MTRR: variants seen among roughly 807,000 people sequenced by gnomAD.
The protein encoded by MTRR is methionine synthase reductase.
Under a neutral mutation model 79.2 loss-of-function variants are expected in MTRR, and 63 were observed. The observed-to-expected ratio is 0.80, with a 90% confidence interval of 0.65 to 0.98. MTRR has a LOEUF of 0.98. Ranked by LOEUF, MTRR falls within the 50% of genes least tolerant of loss-of-function variation. The pLI is 0.00. For synonymous variants in MTRR, 355 were observed against 313.3 expected (o/e 1.13, Z -1.41); for missense variants, 895 against 839.6 (o/e 1.07, Z -0.82).
At chr5:7,859,164 A>G (rs968113627) in intron 1 of MTRR, 9 of 212,782 alleles carry the variant, frequency 4.2e-5, no homozygotes, top group Non-Finnish European at 8.3e-5. Context: ...CAAAATACTT[A>G]AAAATAACAT....
At chr5:7,898,520 G>A (rs1299696335) in intron 14 of MTRR, among the ~76,000 whole-genome samples, 1 of 152,202 alleles carries the variant, frequency 6.6e-6, no homozygotes. Flanking sequence ...CTTGAACATT[G>A]ATCGTCCGTC....
upstream of MTRR, chr5:7,868,192 A>C: frequency 2.8e-6 from 1 of 359,456 alleles, no homozygotes; most frequent in Non-Finnish European, 4.6e-6. Context: ...ACTACAAACG[A>C]GTATCTGGAA....
At chr5:7,852,367 C>T (rs970787539) in intron 1 of MTRR, among the ~76,000 whole-genome samples, 4 of 152,140 alleles carry the variant, frequency 2.6e-5, no homozygotes, top group African/African-American at 7.2e-5. Context: ...GGTGCCACCA[C>T]GCTTTTTCTC....
chr5:7,852,929 G>A (rs74647306), intron 1 of MTRR, among the ~76,000 whole-genome samples: 1,948 of 152,260 alleles, frequency 0.013, 37 homozygotes, highest in East Asian at 0.061. Context: ...AACTGAGACC[G>A]AGATAATTTC....
upstream of MTRR, chr5:7,865,985 T>C: frequency 1.2e-6 from 2 of 1,612,810 alleles, no homozygotes; most frequent in Non-Finnish European, 1.7e-6. Flanking sequence ...ATTCTTTACC[T>C]GAAACAGAAA....
chr5:7,890,114 C>T (rs1161823012), intron 9 of MTRR: 1 of 258,770 alleles, frequency 3.9e-6, no homozygotes, highest in Non-Finnish European at 6.0e-6. Flanking sequence ...GTAGTTATGC[C>T]TTTAACATTT....
chr5:7,899,968 C>CGCT lies in MTRR; in HGVS notation c.2007_2008insGCT (p.Ser669_Lys670insAla). On this transcript the variant is annotated inframe_insertion, in exon 15 of 15. Transcript: ENST00000440940. ...ATGATGCCCTTGTGCAAATAATAAG[C>CGCT]AAAGAGGTTGGAGTTGAAAAACTAG... The CGCT allele has an allele frequency of 6.2e-7, 1 of 1,614,036 alleles. No homozygotes were observed. The highest frequency in any genetic ancestry group is 1.1e-5 in the South Asian group (1 of 91,076).
chr5:7,894,651 G>A (rs1738198539), intron 11 of MTRR, among the ~76,000 whole-genome samples: 2 of 152,154 alleles, frequency 1.3e-5, no homozygotes. Context: ...CTTTGACATT[G>A]GTGTTTGAAT....
chr5:7,876,136 T>G (rs1734516762), intron 4 of MTRR, among the ~76,000 whole-genome samples: 1 of 152,054 alleles, frequency 6.6e-6, no homozygotes, highest in South Asian at 2.1e-4. Context: ...AATTACAAAT[T>G]CAGCAAATGT....
intron 8 of MTRR, among the ~76,000 whole-genome samples, chr5:7,887,822 A>ATATATC (rs1736860669): frequency 3.8e-5 from 1 of 26,644 alleles, no homozygotes; most frequent in African/African-American, 2.6e-4. Flanking sequence ...ATATATATAT[A>ATATATC]TATATATATG....
chr5:7,854,633 T>G (rs1746184322), intron 1 of MTRR, among the ~76,000 whole-genome samples: 1 of 152,168 alleles, frequency 6.6e-6, no homozygotes, highest in Non-Finnish European at 1.5e-5. Context: ...ATGAGACTTA[T>G]TCCCTACCAC....
At chr5:7,887,105 G>A (rs1443038214) in intron 8 of MTRR, among the ~76,000 whole-genome samples, 4 of 152,216 alleles carry the variant, frequency 2.6e-5, no homozygotes, top group East Asian at 1.9e-4. Context: ...TAATGAGAGC[G>A]TAGGATTCCC....
intron 8 of MTRR, among the ~76,000 whole-genome samples, chr5:7,888,617 T>G (rs894575467): frequency 6.6e-6 from 1 of 152,200 alleles, no homozygotes; most frequent in Non-Finnish European, 1.5e-5. Flanking sequence ...GGAACAGTGA[T>G]TTTGTCCTCC....
At chr5:7,877,005 G>C (rs1310733586) in intron 4 of MTRR, among the ~76,000 whole-genome samples, 1 of 152,172 alleles carries the variant, frequency 6.6e-6, no homozygotes, top group Non-Finnish European at 1.5e-5. Context: ...CAGCTCTAAT[G>C]TGTAACCACA....
chr5:7,885,518 A>G lies in MTRR; in HGVS notation c.904-183A>G, dbSNP rs147712717. Among the ~76,000 whole-genome samples, 6 of 151,918 alleles carry G rather than the reference A, an allele frequency of 3.9e-5. No homozygotes were observed. The East Asian group carries it at 1.2e-3, about 29-fold the overall frequency. On this transcript the variant is annotated intron_variant, in intron 6 of 14. Transcript: ENST00000440940. The stretch of plus-strand genomic sequence containing the variant: ...AATAGTAACTGCTAATAATGAAAGT[A>G]TGTTTATTTGGTTAGTTGGGCTTAT...
upstream of MTRR, among the ~76,000 whole-genome samples, chr5:7,866,444 C>T (rs1746955253): frequency 6.6e-6 from 1 of 152,154 alleles, no homozygotes; most frequent in African/African-American, 2.4e-5. Context: ...GTCAGTTTAT[C>T]TGAGACAGCT....
chr5:7,871,767 C>G (rs921380695), intron 2 of MTRR, among the ~76,000 whole-genome samples: 1 of 152,182 alleles, frequency 6.6e-6, no homozygotes, highest in Non-Finnish European at 1.5e-5. Flanking sequence ...AGCCCTGCCA[C>G]GGTAACTCTG....
chr5:7,867,374 T>C, upstream of MTRR: 2 of 1,614,210 alleles, frequency 1.2e-6, no homozygotes, highest in Non-Finnish European at 1.7e-6. Flanking sequence ...TATAATGAGT[T>C]CTAGTGTCAC....
rs772966550 is a variant in MTRR at position 7,897,210 on chromosome 5, ATCC to A, written c.1922_1924del (p.Leu641del). 3.1e-6 allele frequency: 5 copies of A among 1,614,024 alleles called. No homozygotes were observed. The South Asian group carries it at 3.3e-5, about 11-fold the overall frequency. On this transcript the variant is annotated inframe_deletion, in exon 14 of 15. Coordinates refer to ENST00000440940, the MANE Select transcript of MTRR (RefSeq NM_002454.3). ...GCTTCATGGCCAGCAGGTGGCGAGA[ATCC>A]TCCTCCAGGAGAACGGCCATATTTA...
Sources: allele counts gnomAD v4.1 joint callset (sites outside exome capture counted in the v4.1 genomes callset), GRCh38; gene constraint gnomAD v4.1.1; transcripts MANE v1.5; gene names NCBI Gene and HGNC (gene_info 2026-07-23, HGNC 2026-07-21).